CLIC2: variants seen among roughly 807,000 people sequenced by gnomAD.
The protein encoded by CLIC2 is chloride intracellular channel protein 2.
A neutral mutation model predicts 14.8 loss-of-function variants in CLIC2; 9 were observed. The observed-to-expected ratio is 0.61, with a 90% CI of 0.37 to 1.06. The LOEUF (loss-of-function observed/expected upper bound fraction) is 1.06. Among genes scored for constraint, CLIC2 ranks in the 50% least tolerant of loss-of-function variants. The pLI is 0.01. For missense variants in CLIC2, 148 were observed against 181.4 expected (o/e 0.82, Z 1.06); for synonymous variants, 61 against 66.3 (o/e 0.92, Z 0.39).
chrX:155,278,923 G>A, intron 5 of CLIC2: 1 of 376,329 alleles, frequency 2.7e-6, no homozygotes, highest in South Asian at 3.9e-5. Flanking sequence ...GACAGAGCAA[G>A]ACCCTATCTC....
At chrX:155,281,415 T>C (rs1350346910) in intron 3 of CLIC2, among the ~76,000 whole-genome samples, 1 of 110,952 alleles carries the variant, frequency 9.0e-6, no homozygotes, top group Admixed American at 9.6e-5. Flanking sequence ...TTGACTGTAG[T>C]AATCATTTCA....
rs147498525 is a variant in CLIC2, at chrX:155,279,781, A to G, written c.400+181T>C. Among the ~76,000 whole-genome samples, 818 of 111,677 alleles carry G rather than the reference A, an allele frequency of 7.3e-3. 9 individuals carry two copies. Among genetic ancestry groups the G allele is most frequent in the African/African-American group, 0.025 (768 of 30,675 alleles). On this transcript the variant is annotated intron_variant, in intron 4 of 5. Coordinates refer to ENST00000369449, the MANE Select transcript of CLIC2 (RefSeq NM_001289.6). ...GCTATGGTTGGTAATAGCTATATTG[A>G]ATCTTGAGTTCTAAATCTAATACAA...
At chrX:155,305,839 T>G (rs2075053596) in intron 1 of CLIC2, among the ~76,000 whole-genome samples, 1 of 112,265 alleles carries the variant, frequency 8.9e-6, no homozygotes, top group Admixed American at 9.4e-5. Context: ...ACCATGCTTT[T>G]TCTCTACGTG....
At chrX:155,313,013 G>C (rs1200044969) in intron 1 of CLIC2, among the ~76,000 whole-genome samples, 1 of 110,617 alleles carries the variant, frequency 9.0e-6, no homozygotes. Context: ...ACCAGAATGA[G>C]ACACCATCTC....
At chrX:155,294,552 C>T (rs1346540755) in intron 3 of CLIC2, among the ~76,000 whole-genome samples, 1 of 111,442 alleles carries the variant, frequency 9.0e-6, no homozygotes, top group Non-Finnish European at 1.9e-5. Flanking sequence ...TAATAAAGAA[C>T]AGAACTAAAT....
At chrX:155,292,563 G>A (rs2074972725) in intron 3 of CLIC2, 1 of 412,677 alleles carries the variant, frequency 2.4e-6, no homozygotes, top group African/African-American at 2.6e-5. Flanking sequence ...GAGGTCAGGA[G>A]ATCGAGACCA....
chrX:155,299,210 T>C, intron 1 of CLIC2, 65 bp from the exon 2 acceptor site: 4 of 884,524 alleles, frequency 4.5e-6, no homozygotes, highest in African/African-American at 1.9e-5. Context: ...TAGTTCCTAA[T>C]AGGAAATGAG....
chrX:155,304,513 G>T (rs2075038429), intron 1 of CLIC2, among the ~76,000 whole-genome samples: 2 of 81,599 alleles, frequency 2.5e-5, no homozygotes. Context: ...CAACTTCTTT[G>T]CCTTTGGTTT....
At position 155,332,758 on chromosome X, in the gene CLIC2, A is replaced by G. The variant is rs782542025; in HGVS notation, c.57+1613T>C. 6.2e-5 allele frequency among the ~76,000 whole-genome samples: 7 copies of G among 112,469 alleles called. No homozygotes were observed. In the South Asian group the frequency reaches 2.5e-3, roughly 41 times the overall value. ...TTTTCTCATCCATGTGTGACTTGCT[A>G]AAGTTTCCTGTCCAGATTACCACCC... On this transcript the variant is annotated intron_variant, in intron 1 of 5. Transcript: ENST00000369449.
At chrX:155,306,730 TGA>T (rs782017264) in intron 1 of CLIC2, among the ~76,000 whole-genome samples, 171 of 103,444 alleles carry the variant, frequency 1.7e-3, no homozygotes, top group African/African-American at 4.7e-3. Context: ...AAAGCAGGAG[TGA>T]GAGAGAGAGA....
chrX:155,318,881 G>A (rs782385846), intron 1 of CLIC2, among the ~76,000 whole-genome samples: 1 of 111,970 alleles, frequency 8.9e-6, no homozygotes, highest in Non-Finnish European at 1.9e-5. Context: ...CAATGGAACT[G>A]AATACAGAAC....
chrX:155,280,990 G>GATAGATATATATATATATATATAT (rs1557316383), intron 3 of CLIC2, among the ~76,000 whole-genome samples: 1 of 89,918 alleles, frequency 1.1e-5, no homozygotes, highest in African/African-American at 4.1e-5. Flanking sequence ...GAAATTGTGA[G>GATAGATATATATATATATATATAT]ATATATATAT....
intron 3 of CLIC2, among the ~76,000 whole-genome samples, chrX:155,288,584 T>C (rs1171498106): frequency 1.8e-5 from 2 of 111,798 alleles, no homozygotes; most frequent in African/African-American, 6.5e-5. Flanking sequence ...GGATTCTTAA[T>C]GCAATAGTTT....
At chrX:155,278,408 A>G (rs892822851) in intron 5 of CLIC2, among the ~76,000 whole-genome samples, 1 of 112,017 alleles carries the variant, frequency 8.9e-6, no homozygotes, top group Non-Finnish European at 1.9e-5. Flanking sequence ...TGTGTTTGGC[A>G]TAGGACTCAA....
intron 3 of CLIC2, among the ~76,000 whole-genome samples, chrX:155,284,856 A>G (rs1439522238): frequency 8.9e-6 from 1 of 112,130 alleles, no homozygotes; most frequent in Non-Finnish European, 1.9e-5. Context: ...TTTTAAGACT[A>G]TTGATGGGCT....
chrX:155,330,624 A>G (rs781877766), intron 1 of CLIC2, among the ~76,000 whole-genome samples: 47 of 111,780 alleles, frequency 4.2e-4, no homozygotes, highest in Non-Finnish European at 6.2e-4. Context: ...GTATTTTGTC[A>G]AAGTTAAACA....
intron 1 of CLIC2, among the ~76,000 whole-genome samples, chrX:155,327,471 A>G (rs1557322445): frequency 9.0e-6 from 1 of 111,225 alleles, no homozygotes; most frequent in African/African-American, 3.3e-5. Flanking sequence ...ATATTTTGTA[A>G]TTTATGTAAC....
At chrX:155,285,355 T>C (rs1000301853) in intron 3 of CLIC2, among the ~76,000 whole-genome samples, 15 of 111,859 alleles carry the variant, frequency 1.3e-4, no homozygotes, top group African/African-American at 4.5e-4. Context: ...GTGGAGATAA[T>C]TTTTAATATA....
At chrX:155,317,614 G>T (rs1186992275) in intron 1 of CLIC2, among the ~76,000 whole-genome samples, 1 of 111,723 alleles carries the variant, frequency 9.0e-6, no homozygotes, top group East Asian at 2.8e-4. Context: ...CAGATTTACA[G>T]CTGCATTCTA....
Sources: allele counts gnomAD v4.1 joint callset (sites outside exome capture counted in the v4.1 genomes callset), GRCh38; gene constraint gnomAD v4.1.1; transcripts MANE v1.5; gene names NCBI Gene and HGNC (gene_info 2026-07-23, HGNC 2026-07-21).